The following TNFAIP8 variants were observed in gnomAD, a reference collection of about 807,000 sequenced individuals.
TNFAIP8 encodes the protein TNF alpha induced protein 8, also known as tumor necrosis factor alpha-induced protein 8.
TNFAIP8 carries 7 observed loss-of-function variants against 13.3 expected under a neutral mutation model. That is an observed-to-expected ratio of 0.52 (90% CI 0.30 to 0.99). TNFAIP8 has a LOEUF of 0.99. TNFAIP8 is among the 50% of genes least tolerant of loss of function. The pLI is 0.07. For synonymous variants in TNFAIP8, 94 were observed against 87.6 expected, an observed-to-expected ratio of 1.07 and a Z score of -0.41; for missense variants, 258 against 236.9, an observed-to-expected ratio of 1.09 and a Z score of -0.58.
intron 1 of TNFAIP8, among the ~76,000 whole-genome samples, chr5:119,276,980 G>A (rs1748474295): frequency 6.6e-6 from 1 of 152,164 alleles, no homozygotes; most frequent in Non-Finnish European, 1.5e-5. Context: ...ATGTACCTAT[G>A]ATAAAATTTA....
At chr5:119,355,530 G>A (rs1013983870), upstream of TNFAIP8, 53 of 578,200 alleles carry the variant, frequency 9.2e-5, no homozygotes, top group South Asian at 1.1e-3. Context: ...TACCAAAGCC[G>A]CTTTAAAATC....
chr5:119,389,998 A>G (rs1158904782), intron 1 of TNFAIP8, among the ~76,000 whole-genome samples: 1 of 152,228 alleles, frequency 6.6e-6, no homozygotes, highest in African/African-American at 2.4e-5. Context: ...CCATGTTTGA[A>G]GTTAAATGGG....
At chr5:119,309,473 G>C (rs182321558) in intron 1 of TNFAIP8, among the ~76,000 whole-genome samples, 1 of 152,208 alleles carries the variant, frequency 6.6e-6, no homozygotes, top group Non-Finnish European at 1.5e-5. Flanking sequence ...CACAGGGGCA[G>C]CTGTGGCTCG....
At chr5:119,376,740 C>T (rs1197413829) in intron 1 of TNFAIP8, among the ~76,000 whole-genome samples, 1 of 152,142 alleles carries the variant, frequency 6.6e-6, no homozygotes, top group Non-Finnish European at 1.5e-5. Context: ...TTTCCAACAG[C>T]AGTTAGAGAC....
At chr5:119,332,036 C>T (rs536197925) in intron 1 of TNFAIP8, among the ~76,000 whole-genome samples, 1 of 152,246 alleles carries the variant, frequency 6.6e-6, no homozygotes, top group African/African-American at 2.4e-5. Flanking sequence ...GGGGAGATAA[C>T]ACAAAAGAAC....
At chr5:119,291,358 G>T (rs1475856315) in intron 1 of TNFAIP8, among the ~76,000 whole-genome samples, 2 of 152,350 alleles carry the variant, frequency 1.3e-5, no homozygotes, top group African/African-American at 2.4e-5. Flanking sequence ...TTTTCGGCCT[G>T]TCATGCATAA....
At chr5:119,382,048 T>C (rs888141435) in intron 1 of TNFAIP8, among the ~76,000 whole-genome samples, 1 of 152,210 alleles carries the variant, frequency 6.6e-6, no homozygotes, top group African/African-American at 2.4e-5. Flanking sequence ...CATCCTTGGG[T>C]TTCTGACATA....
Position 119,279,087 on chromosome 5 carries a change from G to A in TNFAIP8, c.1+10180G>A, listed in dbSNP as rs76492248. ...AGGGTGGGCCAGCAGGCACTGTGCT[G>A]AGTGCTTTATACACATTATTTAATT... On this transcript the variant is annotated intron_variant, in intron 1 of 1. Transcript: ENST00000274456. Among the ~76,000 whole-genome samples the A allele has an allele frequency of 6.5e-3, 993 of 152,266 alleles. 8 individuals carry two copies. The highest frequency in any genetic ancestry group is 0.023 in the African/African-American group (936 of 41,548).
intron 1 of TNFAIP8, among the ~76,000 whole-genome samples, chr5:119,317,600 T>TA (rs1749937146): frequency 3.4e-5 from 5 of 146,710 alleles, no homozygotes; most frequent in Non-Finnish European, 7.5e-5. Flanking sequence ...TAATAATAAT[T>TA]ATTATTATTA....
chr5:119,348,902 A>AAAAAAG (rs1478519084), intron 1 of TNFAIP8, among the ~76,000 whole-genome samples: 5 of 134,468 alleles, frequency 3.7e-5, no homozygotes, highest in Admixed American at 2.2e-4. Flanking sequence ...AAAAAAAAAA[A>AAAAAAG]AAAAAGAATA....
intron 1 of TNFAIP8, among the ~76,000 whole-genome samples, chr5:119,298,010 G>T (rs1749233322): frequency 6.6e-6 from 1 of 152,194 alleles, no homozygotes; most frequent in Non-Finnish European, 1.5e-5. Flanking sequence ...CTCTGCACAT[G>T]AGATGCATTT....
At position 119,360,221 on chromosome 5, in the gene TNFAIP8, T is replaced by TG. The variant is rs377032605; in HGVS notation, c.31+4103dup. On this transcript the variant is annotated intron_variant, in intron 1 of 1. Transcript: ENST00000504771. ...GGTGATCCAGGAAGTAGCCAAAAAG[T>TG]GGGTGGGTGAAAGAGAATGCAGTAG... is the stretch of plus-strand genomic sequence containing the variant. Among the ~76,000 whole-genome samples the TG allele has an allele frequency of 1.8e-3, 272 of 152,236 alleles. 1 individual carries two copies. Among genetic ancestry groups the TG allele is most frequent in the Non-Finnish European group, 3.3e-3 (226 of 67,998 alleles).
chr5:119,332,548 G>A (rs56845953), intron 1 of TNFAIP8, among the ~76,000 whole-genome samples: 1 of 152,236 alleles, frequency 6.6e-6, no homozygotes, highest in African/African-American at 2.4e-5. Flanking sequence ...TGTAGGGAGA[G>A]TAAGATAGAT....
intron 1 of TNFAIP8, among the ~76,000 whole-genome samples, chr5:119,326,268 A>G (rs1465261240): frequency 6.6e-6 from 1 of 152,160 alleles, no homozygotes; most frequent in Non-Finnish European, 1.5e-5. Flanking sequence ...TATCTCTTGG[A>G]GCAAAATGTG....
At chr5:119,309,107 TTACTGCAGTTTCCTCCTC>T (rs1157908413) in intron 1 of TNFAIP8, among the ~76,000 whole-genome samples, 4 of 152,216 alleles carry the variant, frequency 2.6e-5, no homozygotes, top group Non-Finnish European at 4.4e-5. Context: ...TCAAAGACCT[TTACTGCAGTTTCCTCCTC>T]TACTCAAACC....
intron 1 of TNFAIP8, among the ~76,000 whole-genome samples, chr5:119,309,994 CT>C (rs1247481764): frequency 6.6e-6 from 1 of 152,176 alleles, no homozygotes; most frequent in Non-Finnish European, 1.5e-5. Context: ...CTGGGATGAC[CT>C]GAATAAAACA....
intron 1 of TNFAIP8, among the ~76,000 whole-genome samples, chr5:119,332,902 T>C (rs964536855): frequency 6.6e-6 from 1 of 152,202 alleles, no homozygotes; most frequent in African/African-American, 2.4e-5. Context: ...GAAAACCTTA[T>C]ATACTCTTCC....
chr5:119,292,675 TATATATATATACACACAC>T lies in TNFAIP8; in HGVS notation c.1+23770_1+23787del, dbSNP rs1304603660. Among the ~76,000 whole-genome samples the T allele has an allele frequency of 2.5e-3, 91 of 36,106 alleles. 6 individuals are homozygous for T. The highest frequency in any genetic ancestry group is 6.5e-3 in the African/African-American group (85 of 13,040). The allele number at this position is 36,106 out of a possible 152,430, so 23.7% of individuals were successfully genotyped here. On this transcript the variant is annotated intron_variant, in intron 1 of 1. Coordinates refer to the TNFAIP8 transcript ENST00000274456. ...ATATATATATATATATATATATATATATATATATATACACACACACACAATGAAATACTATTTAGCAAT... is the reference window on the plus strand; with the variant it reads ...ATATATATATATATATATATATATATACACAATGAAATACTATTTAGCAAT...
At chr5:119,358,023 G>A (rs189601252) in intron 1 of TNFAIP8, among the ~76,000 whole-genome samples, 15 of 151,946 alleles carry the variant, frequency 9.9e-5, no homozygotes, top group Admixed American at 9.2e-4. Flanking sequence ...CTCAGATGTC[G>A]ATGAAGCGAG....
Sources: gnomAD v4.1 joint callset for allele counts (sites outside exome capture counted in the v4.1 genomes callset) on GRCh38, gnomAD v4.1.1 for gene constraint, MANE v1.5 for transcripts, NCBI Gene and HGNC (gene_info 2026-07-23, HGNC 2026-07-21) for gene names.